The following CCDC97 variants were observed in gnomAD, a reference collection of about 807,000 sequenced individuals.
CCDC97 encodes the protein coiled-coil domain-containing protein 97.
A neutral mutation model predicts 33.9 loss-of-function variants in CCDC97; 27 were observed. The ratio of observed to expected loss-of-function variants is 0.80; its 90% CI spans 0.59 to 1.10. CCDC97 has a LOEUF of 1.10. Ranked by LOEUF, CCDC97 falls within the 50% of genes least tolerant of loss-of-function variation. CCDC97 has a pLI of 0.00. For missense variants in CCDC97, 422 were observed against 476.6 expected (o/e 0.89, Z 1.07); for synonymous variants, 217 against 194.0 (o/e 1.12, Z -0.99).
At chr19:41,315,259 T>C (rs1297821426) in intron 1 of CCDC97, among the ~76,000 whole-genome samples, 2 of 127,564 alleles carry the variant, frequency 1.6e-5, no homozygotes, top group Non-Finnish European at 3.1e-5. Context: ...ATTGCTCCAC[T>C]GCACTCCAGC....
chr19:41,310,973 T>C, intron 1 of CCDC97: 2 of 624,994 alleles, frequency 3.2e-6, no homozygotes, highest in Non-Finnish European at 4.0e-6. Flanking sequence ...TGGCCAAGAA[T>C]TGGTAATTGT....
At position 41,323,274 on chromosome 19, in the gene CCDC97, G is replaced by T; in HGVS notation, c.*559G>T. 6.5e-6 allele frequency: 1 copy of T among 154,420 alleles called. No homozygotes were observed. The highest frequency in any genetic ancestry group is 1.4e-5 in the Non-Finnish European group (1 of 69,366). 9.6% of individuals were successfully genotyped at this position (154,420 alleles called of 1,614,324 possible). Reference sequence around the variant, plus strand: ...CTCAGAGCCTCCTTGCTTCTGTTAGGTTCCCATCTCTCCTTCTGCCTCACT... The same window carrying T: ...CTCAGAGCCTCCTTGCTTCTGTTAGTTTCCCATCTCTCCTTCTGCCTCACT... On this transcript the variant is annotated 3_prime_UTR_variant, in exon 5 of 5. Coordinates refer to ENST00000269967, the MANE Select transcript of CCDC97 (RefSeq NM_052848.3).
intron 1 of CCDC97, among the ~76,000 whole-genome samples, chr19:41,315,017 G>A (rs2037728390): frequency 6.6e-6 from 1 of 150,476 alleles, no homozygotes. Flanking sequence ...TTGGCAGGGT[G>A]CAGGCCAGGC....
In CCDC97 at chr19:41,311,816, T is replaced by C. The variant is rs529769397; in HGVS notation, c.46+1460T>C. Among the ~76,000 whole-genome samples the C allele has an allele frequency of 3.3e-5, 5 of 152,228 alleles. No homozygotes were observed. The South Asian group carries it at 1.0e-3, about 32-fold the overall frequency. On this transcript the variant is annotated intron_variant, in intron 1 of 4. Coordinates refer to ENST00000269967, the MANE Select transcript of CCDC97 (RefSeq NM_052848.3). ...CAGGAGTCTGAGGCGGGAGGATCACTTGAGCCCAGGAGGTCAAAGCTGCAG... is the reference window on the plus strand; with the variant it reads ...CAGGAGTCTGAGGCGGGAGGATCACCTGAGCCCAGGAGGTCAAAGCTGCAG...
chr19:41,322,526 C>A, intron 4 of CCDC97, 69 bp from the exon 5 acceptor site: 1 of 1,555,818 alleles, frequency 6.4e-7, no homozygotes, highest in South Asian at 1.2e-5. Flanking sequence ...CAGGGTGCCC[C>A]AGGCCTTTGA....
chr19:41,311,359 C>T (rs113818138), intron 1 of CCDC97, among the ~76,000 whole-genome samples: 1 of 152,088 alleles, frequency 6.6e-6, no homozygotes, highest in Non-Finnish European at 1.5e-5. Context: ...GCACTCCAGC[C>T]TCTGCAGCAG....
At position 41,319,579 on chromosome 19, in the gene CCDC97, G is replaced by C; in HGVS notation, c.508G>C (p.Glu170Gln). 1 of 1,596,420 alleles carries C rather than the reference G, an allele frequency of 6.3e-7. No individual in the cohort carries two copies. Among genetic ancestry groups the C allele is most frequent in the South Asian group, 1.1e-5 (1 of 88,752 alleles). ...CCTGTCTCTCCTCTGTGCAGGGGGCGAGTACTTCAGTGATGAGCAGATGCG... is the reference window on the plus strand; with the variant it reads ...CCTGTCTCTCCTCTGTGCAGGGGGCCAGTACTTCAGTGATGAGCAGATGCG... ...AALRELIQGG[E>Q]YFSDEQMRFR... Residue 170 changes from glutamate (E) to glutamine (Q), a missense_variant, in exon 3 of 5, where the codon GAG (glutamate) becomes CAG (glutamine). Coordinates refer to ENST00000269967, the MANE Select transcript of CCDC97 (RefSeq NM_052848.3).
rs983261769 is a variant in CCDC97 at position 41,310,228 on chromosome 19, A to G, written c.-83A>G. On this transcript the variant is annotated 5_prime_UTR_variant, in exon 1 of 5. Coordinates refer to ENST00000269967, the MANE Select transcript of CCDC97 (RefSeq NM_052848.3). ...GTGCACCCGGACCCGGAACATTCTCAGGCGAAAGTGTCTCTTGCGTGCGTG... is the reference window on the plus strand; with the variant it reads ...GTGCACCCGGACCCGGAACATTCTCGGGCGAAAGTGTCTCTTGCGTGCGTG... The G allele has an allele frequency of 2.0e-6, 3 of 1,535,224 alleles. No homozygotes were observed. In the South Asian group the frequency reaches 3.6e-5, roughly 18 times the overall value.
At position 41,310,246 on chromosome 19, in the gene CCDC97, C is replaced by T. The variant is rs61747007; in HGVS notation, c.-65C>T. The T allele has an allele frequency of 2.1e-4, 323 of 1,550,806 alleles. 2 individuals are homozygous for T. The Middle Eastern group carries it at 4.7e-3, about 23-fold the overall frequency. On this transcript the variant is annotated 5_prime_UTR_variant, in exon 1 of 5. Transcript: ENST00000269967. ...CATTCTCAGGCGAAAGTGTCTCTTG[C>T]GTGCGTGGGCCGGAGGTTAGTGTGC...
At chr19:41,311,595 TC>T in intron 1 of CCDC97, among the ~76,000 whole-genome samples, 1 of 152,044 alleles carries the variant, frequency 6.6e-6, no homozygotes, top group Admixed American at 6.6e-5. Context: ...TAGCCAGGCG[TC>T]GTGGTATGTG....
intron 1 of CCDC97, among the ~76,000 whole-genome samples, chr19:41,313,338 C>T (rs1249049542): frequency 2.0e-5 from 3 of 152,118 alleles, no homozygotes; most frequent in Non-Finnish European, 2.9e-5. Flanking sequence ...GTCTGGAGGC[C>T]CGTGTAGCAG....
chr19:41,312,256 T>C (rs914147526), intron 1 of CCDC97, among the ~76,000 whole-genome samples: 6 of 152,078 alleles, frequency 3.9e-5, no homozygotes, highest in African/African-American at 1.4e-4. Context: ...TCTAATTTTG[T>C]ATATTTTTAG....
rs552383718 is a variant in CCDC97 at position 41,319,819 on chromosome 19, G to A, written c.748G>A (p.Glu250Lys). ...GGAGGAGGAGGAGGCCTGCTTGGAG[G>A]AAGAGGAAGAGGAGGAGGACAGTGA... ...QQEEEEACLE[E>K]EEEEEDSDEE... The change falls in exon 3 of 5, where the codon GAA becomes AAA. Residue 250 changes from glutamate to lysine, a missense_variant. Glu to Lys is a moderately conservative substitution (Grantham distance 56, BLOSUM62 1). Transcript: ENST00000269967. 6.4e-7 allele frequency: 1 copy of A among 1,574,754 alleles called. No homozygotes were observed. The highest frequency in any genetic ancestry group is 1.3e-5 in the African/African-American group (1 of 74,222).
chr19:41,315,376 G>C lies in CCDC97; in HGVS notation c.47-1008G>C, dbSNP rs192696231. On this transcript the variant is annotated intron_variant, in intron 1 of 4. Transcript: ENST00000269967. ...ATCCCAGCACTTTGGGAGGCCGAAG[G>C]GGAGTGGATCACCTGAGGTCAGGAG... Among the ~76,000 whole-genome samples the C allele has an allele frequency of 2.0e-4, 30 of 150,952 alleles. No individual in the cohort carries two copies. In the East Asian group the frequency reaches 5.5e-3, roughly 28 times the overall value.
intron 1 of CCDC97, among the ~76,000 whole-genome samples, chr19:41,315,255 C>T (rs934836966): frequency 2.4e-4 from 34 of 144,598 alleles, no homozygotes; most frequent in African/African-American, 7.7e-4. Context: ...CAAGATTGCT[C>T]CACTGCACTC....
intron 2 of CCDC97, 94 bp downstream of exon 2, chr19:41,316,933 C>CA: frequency 1.0e-6 from 1 of 995,208 alleles, no homozygotes; most frequent in Non-Finnish European, 1.5e-6. Flanking sequence ...AGAGCAGAGA[C>CA]AGAGATCCTG....
intron 1 of CCDC97, chr19:41,310,788 A>G: frequency 9.9e-7 from 1 of 1,005,552 alleles, no homozygotes; most frequent in South Asian, 4.4e-5. Context: ...TGCCTCATGC[A>G]AACTTATCCC....
At chr19:41,317,169 C>T (rs1599874181) in intron 2 of CCDC97, among the ~76,000 whole-genome samples, 1 of 152,198 alleles carries the variant, frequency 6.6e-6, no homozygotes, top group Middle Eastern at 3.4e-3. Context: ...ACATGAGATC[C>T]CTACCTCATA....
At chr19:41,312,072 C>A (rs2037692287) in intron 1 of CCDC97, among the ~76,000 whole-genome samples, 1 of 152,084 alleles carries the variant, frequency 6.6e-6, no homozygotes, top group Non-Finnish European at 1.5e-5. Context: ...TCAGTCCCCC[C>A]ATTCAGGTTT....
Sources: gnomAD v4.1 joint callset for allele counts (sites outside exome capture counted in the v4.1 genomes callset) on GRCh38, gnomAD v4.1.1 for gene constraint, MANE v1.5 for transcripts, NCBI Gene and HGNC (gene_info 2026-07-23, HGNC 2026-07-21) for gene names.